Variants in SRGAP1 observed in about 807,000 individuals in gnomAD.
The protein encoded by SRGAP1 is SLIT-ROBO Rho GTPase-activating protein 1.
SRGAP1 carries 43 observed loss-of-function variants against 121.9 expected under a neutral mutation model. The ratio of observed to expected loss-of-function variants is 0.35; its 90% CI spans 0.28 to 0.46. The LOEUF is 0.46. Among genes scored for constraint, SRGAP1 ranks in the 20% least tolerant of loss-of-function variants. SRGAP1 has a pLI of 1.00. For missense variants in SRGAP1, 1,102 were observed against 1,350.9 expected (o/e 0.82, Z 2.89); for synonymous variants, 447 against 485.4 (o/e 0.92, Z 1.04).
chr12:64,133,336 C>T (rs2036814157), intron 21 of SRGAP1, among the ~76,000 whole-genome samples: 1 of 152,154 alleles, frequency 6.6e-6, no homozygotes, highest in Non-Finnish European at 1.5e-5. Context: ...ATGTCTGTGC[C>T]AATTATGCAT....
chr12:64,065,679 G>A (rs1462696768), intron 8 of SRGAP1, among the ~76,000 whole-genome samples: 1 of 152,150 alleles, frequency 6.6e-6, no homozygotes, highest in Non-Finnish European at 1.5e-5. Flanking sequence ...CAAAGTGCTG[G>A]GATTACAGGC....
At chr12:63,950,405 T>G (rs1233275478) in intron 1 of SRGAP1, among the ~76,000 whole-genome samples, 1 of 152,186 alleles carries the variant, frequency 6.6e-6, no homozygotes, top group East Asian at 1.9e-4. Context: ...TTTAAGGAAT[T>G]GTGCAAATAC....
chr12:63,913,211 T>C (rs926993859), intron 1 of SRGAP1, among the ~76,000 whole-genome samples: 1 of 140,116 alleles, frequency 7.1e-6, no homozygotes, highest in African/African-American at 2.6e-5. Flanking sequence ...TTTTTTTTTT[T>C]TTTTTTTTTT....
intron 3 of SRGAP1, 119 bp from the exon 4 acceptor site, chr12:64,016,831 G>A (rs1458649933): frequency 1.7e-6 from 1 of 574,210 alleles, no homozygotes; most frequent in East Asian, 3.0e-5. Flanking sequence ...CGTTAAAGAT[G>A]TTTACTACAG....
chr12:63,897,870 A>G (rs566127792), intron 1 of SRGAP1, among the ~76,000 whole-genome samples: 11 of 152,002 alleles, frequency 7.2e-5, no homozygotes, highest in South Asian at 2.1e-4. Flanking sequence ...GATGTTTTTC[A>G]TAGGTATTTC....
intron 1 of SRGAP1, among the ~76,000 whole-genome samples, chr12:63,898,964 A>G (rs773523999): frequency 6.6e-6 from 1 of 152,138 alleles, no homozygotes; most frequent in Non-Finnish European, 1.5e-5. Flanking sequence ...AAGTTTCACT[A>G]TTGTTTTTGC....
chr12:63,929,986 A>T (rs1200653667), intron 1 of SRGAP1, among the ~76,000 whole-genome samples: 1 of 152,312 alleles, frequency 6.6e-6, no homozygotes, highest in East Asian at 1.9e-4. Context: ...AAACAAAACC[A>T]CTATGAGATA....
intron 21 of SRGAP1, among the ~76,000 whole-genome samples, chr12:64,134,100 G>A (rs2036824421): frequency 6.6e-6 from 1 of 152,068 alleles, no homozygotes; most frequent in East Asian, 1.9e-4. Flanking sequence ...CTGACATACA[G>A]AGAACAGCAA....
chr12:63,848,826 G>A (rs940819377), intron 1 of SRGAP1, among the ~76,000 whole-genome samples: 3 of 152,254 alleles, frequency 2.0e-5, no homozygotes, highest in African/African-American at 7.2e-5. Flanking sequence ...TCTGTTTTGT[G>A]GAGAATCATT....
intron 1 of SRGAP1, among the ~76,000 whole-genome samples, chr12:63,853,251 C>T (rs1180895849): frequency 6.6e-6 from 1 of 152,066 alleles, no homozygotes; most frequent in East Asian, 1.9e-4. Flanking sequence ...GAACTCCTGA[C>T]ATCAGGTGAT....
At chr12:64,022,961 G>T (rs1287974934) in intron 4 of SRGAP1, among the ~76,000 whole-genome samples, 1 of 152,060 alleles carries the variant, frequency 6.6e-6, no homozygotes, top group Non-Finnish European at 1.5e-5. Flanking sequence ...GTACAGCTGA[G>T]TTGATACAGG....
intron 4 of SRGAP1, among the ~76,000 whole-genome samples, chr12:64,025,521 C>T (rs1565645531): frequency 6.6e-6 from 1 of 152,130 alleles, no homozygotes. Context: ...AAATTCATTC[C>T]TTTGAGACAG....
chr12:64,106,610 G>A (rs142947765), intron 15 of SRGAP1, among the ~76,000 whole-genome samples: 32 of 152,328 alleles, frequency 2.1e-4, no homozygotes, highest in African/African-American at 6.7e-4. Context: ...TCTGGGACAT[G>A]TCTTGATCCT....
At chr12:63,987,153 C>T (rs1462161812) in intron 2 of SRGAP1, among the ~76,000 whole-genome samples, 1 of 152,186 alleles carries the variant, frequency 6.6e-6, no homozygotes, top group African/African-American at 2.4e-5. Flanking sequence ...CCAGGATATG[C>T]ACTTGATATT....
chr12:64,080,399 G>T, intron 10 of SRGAP1, 29 bp downstream of exon 10: 1 of 1,495,214 alleles, frequency 6.7e-7, no homozygotes, highest in South Asian at 1.1e-5. Context: ...ATGGGAAGAT[G>T]ACCTGGATGA....
rs1033471384 is a variant in SRGAP1, at chr12:63,921,756, T to G, written c.68-62191T>G. The stretch of plus-strand genomic sequence containing the variant: ...GATCATGCCTGGTACGTAGAGAACA[T>G]TTAATGAAGATTTGTTGAATAAATC... On this transcript the variant is annotated intron_variant, in intron 1 of 21. Transcript: ENST00000355086. 1.1e-4 allele frequency among the ~76,000 whole-genome samples: 16 copies of G among 152,226 alleles called. 1 individual carries two copies. The highest frequency in any genetic ancestry group is 3.6e-4 in the African/African-American group (15 of 41,472).
chr12:63,888,930 C>T (rs531957515), intron 1 of SRGAP1, among the ~76,000 whole-genome samples: 4 of 152,318 alleles, frequency 2.6e-5, no homozygotes, highest in South Asian at 2.1e-4. Context: ...AGGTTGCACC[C>T]GGCAGCCAGA....
chr12:63,954,683 A>AAAAAAAAAAAAAAAAAAAAAAG (rs1389261361), intron 1 of SRGAP1, among the ~76,000 whole-genome samples: 3 of 147,790 alleles, frequency 2.0e-5, no homozygotes, highest in African/African-American at 7.7e-5. Context: ...ATCTCAAAAA[A>AAAAAAAAAAAAAAAAAAAAAAG]AAAAAAAAAG....
At chr12:64,046,749 C>T (rs140591501) in intron 6 of SRGAP1, among the ~76,000 whole-genome samples, 1 of 152,142 alleles carries the variant, frequency 6.6e-6, no homozygotes, top group East Asian at 1.9e-4. Context: ...GGAGCATCCT[C>T]AATATTCTTG....
Sources: allele counts gnomAD v4.1 joint callset (sites outside exome capture counted in the v4.1 genomes callset), GRCh38; gene constraint gnomAD v4.1.1; transcripts MANE v1.5; gene names NCBI Gene and HGNC (gene_info 2026-07-23, HGNC 2026-07-21).